Variants in COMMD1 observed in about 807,000 individuals in gnomAD.
The protein encoded by COMMD1 is COMM domain-containing protein 1.
COMMD1 carries 10 observed loss-of-function variants against 17.2 expected under a neutral mutation model. The ratio of observed to expected loss-of-function variants is 0.58; its 90% CI spans 0.36 to 0.99. COMMD1 has a LOEUF of 0.99. Among genes scored for constraint, COMMD1 ranks in the 50% least tolerant of loss-of-function variants. COMMD1 has a pLI of 0.01. For missense variants in COMMD1, 270 were observed against 231.8 expected, an observed-to-expected ratio of 1.17 and a Z score of -1.07; for synonymous variants, 97 against 91.6, an observed-to-expected ratio of 1.06 and a Z score of -0.34.
intron 2 of COMMD1, among the ~76,000 whole-genome samples, chr2:62,103,677 C>G (rs1013829320): frequency 1.3e-5 from 2 of 152,124 alleles, no homozygotes; most frequent in Non-Finnish European, 2.9e-5. Flanking sequence ...TTTATACTAC[C>G]CCTAAAAAAT....
intron 2 of COMMD1, among the ~76,000 whole-genome samples, chr2:62,002,984 G>C (rs911172689): frequency 2.6e-5 from 4 of 152,178 alleles, no homozygotes; most frequent in African/African-American, 9.7e-5. Flanking sequence ...TGTAATCCCA[G>C]CACTTTGGGA....
chr2:61,983,356 AT>A (rs2103758079), intron 1 of COMMD1, among the ~76,000 whole-genome samples: 1 of 146,776 alleles, frequency 6.8e-6, no homozygotes, highest in Non-Finnish European at 1.5e-5. Flanking sequence ...CGCCTGGCTA[AT>A]TTTTTTGTAT....
At chr2:61,932,843 C>T (rs886541881) in intron 1 of COMMD1, among the ~76,000 whole-genome samples, 4 of 152,160 alleles carry the variant, frequency 2.6e-5, no homozygotes, top group African/African-American at 4.8e-5. Context: ...GTGTGGACCC[C>T]GTAGCAGCAT....
At chr2:61,898,457 C>G (rs898816054) in intron 1 of COMMD1, among the ~76,000 whole-genome samples, 1 of 152,106 alleles carries the variant, frequency 6.6e-6, no homozygotes, top group African/African-American at 2.4e-5. Context: ...GCCTGGATGA[C>G]AGAGTGAGAC....
chr2:61,888,565 C>A (rs1669319307), upstream of COMMD1: 1 of 1,578,492 alleles, frequency 6.3e-7, no homozygotes, highest in South Asian at 1.1e-5. Flanking sequence ...CGGATTCTGG[C>A]CGGCCGCAGT....
chr2:62,020,166 T>C (rs929318618), intron 2 of COMMD1, among the ~76,000 whole-genome samples: 1 of 152,184 alleles, frequency 6.6e-6, no homozygotes, highest in Admixed American at 6.5e-5. Context: ...AGGCAAATTG[T>C]TTGCCCCACA....
intron 1 of COMMD1, among the ~76,000 whole-genome samples, chr2:61,942,415 GGTTT>G (rs1233020244): frequency 2.1e-5 from 3 of 144,140 alleles, no homozygotes; most frequent in East Asian, 2.2e-4. Flanking sequence ...TTTGTTTGTT[GGTTT>G]GTTTATTTTT....
intron 2 of COMMD1, among the ~76,000 whole-genome samples, chr2:62,119,466 C>T (rs1672687759): frequency 1.3e-5 from 2 of 152,152 alleles, no homozygotes; most frequent in Admixed American, 6.5e-5. Flanking sequence ...CATACAACTC[C>T]ACCCCAGCCA....
chr2:61,890,826 CAAAAAAAAAAAAAA>C lies in COMMD1; in HGVS notation n.119+1993_119+2006del, dbSNP rs59877732. Among the ~76,000 whole-genome samples, 14 of 98,972 alleles carry C rather than the reference CAAAAAAAAAAAAAA, an allele frequency of 1.4e-4. No individual in the cohort carries two copies. The East Asian group carries it at 2.9e-3, about 20-fold the overall frequency. The allele number at this position is 98,972 out of a possible 152,430, so 64.9% of individuals were successfully genotyped here. On this transcript the variant is annotated intron_variant and non_coding_transcript_variant, in intron 1 of 2. Coordinates refer to the COMMD1 transcript ENST00000472729. ...TGGGTGATAGAGCAAGACTTTGTCTCAAAAAAAAAAAAAAAAAAAAAAGAAGGATATTAGCACTA... is the reference window on the plus strand; with the variant it reads ...TGGGTGATAGAGCAAGACTTTGTCTCAAAAAAAAGAAGGATATTAGCACTA...
chr2:61,946,339 AT>A (rs1400411609), intron 1 of COMMD1, among the ~76,000 whole-genome samples: 1 of 152,182 alleles, frequency 6.6e-6, no homozygotes, highest in Non-Finnish European at 1.5e-5. Context: ...TCAAGATTTT[AT>A]TTAGGATTTG....
At chr2:62,067,159 A>G (rs1573140913) in intron 2 of COMMD1, among the ~76,000 whole-genome samples, 1 of 151,286 alleles carries the variant, frequency 6.6e-6, no homozygotes, top group Non-Finnish European at 1.5e-5. Flanking sequence ...CGGAAGGCGG[A>G]GGTTGCGGTG....
At chr2:62,115,128 A>G (rs1672555190) in intron 2 of COMMD1, among the ~76,000 whole-genome samples, 1 of 152,224 alleles carries the variant, frequency 6.6e-6, no homozygotes, top group Non-Finnish European at 1.5e-5. Flanking sequence ...CAACTACCTT[A>G]TTTGTTAAAT....
chr2:62,000,846 T>A lies in COMMD1; in HGVS notation c.326T>A (p.Leu109His). 1.9e-6 allele frequency: 3 copies of A among 1,614,064 alleles called. No individual in the cohort carries two copies. Among genetic ancestry groups the A allele is most frequent in the Non-Finnish European group, 2.5e-6 (3 of 1,180,018 alleles). ...KSHKTKIRESLMNQSRWNSGL... is the reference protein window; with the variant it reads ...KSHKTKIRESHMNQSRWNSGL... ...CACAAGACAAAAATCCGTGAGAGCCTCATGAACCAGAGCCGCTGGAATAGC... is the reference window on the plus strand; with the variant it reads ...CACAAGACAAAAATCCGTGAGAGCCACATGAACCAGAGCCGCTGGAATAGC... The change falls in exon 2 of 3, where the codon CTC becomes CAC. Residue 109 changes from leucine to histidine, a missense_variant. Physicochemically the swap from Leu to His is moderately conservative, Grantham distance 99. Coordinates refer to ENST00000311832, the MANE Select transcript of COMMD1 (RefSeq NM_152516.4).
Position 61,935,475 on chromosome 2 carries a change from A to G in COMMD1, c.180+29617A>G, listed in dbSNP as rs190031503. Among the ~76,000 whole-genome samples the G allele has an allele frequency of 2.1e-3, 324 of 152,220 alleles. 2 individuals carry two copies. The highest frequency in any genetic ancestry group is 2.9e-3 in the Non-Finnish European group (194 of 68,010). On this transcript the variant is annotated intron_variant, in intron 1 of 2. Transcript: ENST00000311832. The stretch of plus-strand genomic sequence containing the variant: ...GAAACCCCATCTCTACAAAAATACA[A>G]AAATTAGCTGGGCATGATGGCAGGT...
intron 1 of COMMD1, among the ~76,000 whole-genome samples, chr2:61,913,198 C>A (rs35586989): frequency 0.025 from 3,816 of 151,324 alleles, 71 homozygotes; most frequent in Middle Eastern, 0.062. Flanking sequence ...AAAACCCCAT[C>A]TCTACTAAAA....
At chr2:61,936,931 G>T (rs1216529764) in intron 1 of COMMD1, among the ~76,000 whole-genome samples, 1 of 152,142 alleles carries the variant, frequency 6.6e-6, no homozygotes, top group Non-Finnish European at 1.5e-5. Context: ...TACAATTTAG[G>T]GAGACCTAAT....
At chr2:61,970,329 A>C (rs929196250) in intron 1 of COMMD1, among the ~76,000 whole-genome samples, 2 of 152,058 alleles carry the variant, frequency 1.3e-5, no homozygotes, top group African/African-American at 4.8e-5. Flanking sequence ...CATTTTAAAA[A>C]ATTATTAAAA....
chr2:61,996,452 A>G (rs1282740800), intron 1 of COMMD1, among the ~76,000 whole-genome samples: 1 of 152,044 alleles, frequency 6.6e-6, no homozygotes, highest in African/African-American at 2.4e-5. Context: ...AATTTCTTAA[A>G]TAACACAACA....
At chr2:61,909,844 A>G (rs1469901516) in intron 1 of COMMD1, among the ~76,000 whole-genome samples, 2 of 152,206 alleles carry the variant, frequency 1.3e-5, no homozygotes, top group Non-Finnish European at 2.9e-5. Context: ...CTTATTGCCA[A>G]CTGCCTGGAA....
Sources: gnomAD v4.1 joint callset for allele counts (sites outside exome capture counted in the v4.1 genomes callset) on GRCh38, gnomAD v4.1.1 for gene constraint, MANE v1.5 for transcripts, NCBI Gene and HGNC (gene_info 2026-07-23, HGNC 2026-07-21) for gene names.